The following ERCC6L2 variants were observed in gnomAD, a reference collection of about 807,000 sequenced individuals.
ERCC6L2 encodes the protein ERCC excision repair 6 like 2.
In ERCC6L2, 77 loss-of-function variants were observed where a neutral mutation model predicts 132.0. The observed-to-expected ratio is 0.58, with a 90% CI of 0.49 to 0.71. The LOEUF is 0.71. Ranked by LOEUF, ERCC6L2 falls within the 30% of genes least tolerant of loss-of-function variation. ERCC6L2 has a pLI of 0.00. For synonymous variants in ERCC6L2, 583 were observed against 632.4 expected (o/e 0.92, Z 1.17); for missense variants, 1,542 against 1,837.6 (o/e 0.84, Z 2.94).
Position 96,040,245 on chromosome 9 carries a change from C to T in ERCC6L2, c.*1755+1118C>T, listed in dbSNP as rs571415773. Reference sequence around the variant, plus strand: ...GCCTCTGCACTCTTCCTGCTCATGTCCTTGTCCCCTTTTTCTGGGCGTCAC... The same window carrying T: ...GCCTCTGCACTCTTCCTGCTCATGTTCTTGTCCCCTTTTTCTGGGCGTCAC... On this transcript the variant is annotated intron_variant and NMD_transcript_variant, in intron 20 of 20. Transcript: ENST00000670016. 4.6e-5 allele frequency among the ~76,000 whole-genome samples: 7 copies of T among 152,018 alleles called. No homozygotes were observed. The East Asian group carries it at 1.4e-3, about 29-fold the overall frequency.
At chr9:95,959,632 C>G (rs1831804102) in intron 13 of ERCC6L2, among the ~76,000 whole-genome samples, 1 of 151,898 alleles carries the variant, frequency 6.6e-6, no homozygotes, top group Admixed American at 6.6e-5. Context: ...ACCTACTCAT[C>G]TGACAAAGGG....
intron 13 of ERCC6L2, among the ~76,000 whole-genome samples, chr9:95,960,449 C>T (rs895454081): frequency 1.5e-4 from 23 of 152,178 alleles, no homozygotes; most frequent in African/African-American, 5.1e-4. Flanking sequence ...TCTTGAGATT[C>T]GGGGATTATC....
Position 95,928,751 on chromosome 9 carries a change from G to C in ERCC6L2, c.1638G>C (p.Ala546=). The C allele has an allele frequency of 6.2e-7, 1 of 1,613,074 alleles. No individual in the cohort carries two copies. The highest frequency in any genetic ancestry group is 8.5e-7 in the Non-Finnish European group (1 of 1,179,562). ...ACGTGCTACAGCAGTACTGTATGGCGTCTGGGCTTGATTACCGACGACTTG... is the reference window on the plus strand; with the variant it reads ...ACGTGCTACAGCAGTACTGTATGGCCTCTGGGCTTGATTACCGACGACTTG... ...LLDVLQQYCM[A]SGLDYRRLDG... Residue 546 remains alanine (A), a synonymous_variant, in exon 11 of 19, where the codon GCG becomes GCC. Transcript: ENST00000653738.
intron 11 of ERCC6L2, among the ~76,000 whole-genome samples, chr9:95,937,776 A>T (rs1830621512): frequency 2.7e-5 from 4 of 147,512 alleles, no homozygotes; most frequent in Non-Finnish European, 3.0e-5. Flanking sequence ...TTTTTCACTG[A>T]TTTTTCTCTG....
At chr9:96,032,110 T>G (rs1834466986) in intron 19 of ERCC6L2, among the ~76,000 whole-genome samples, 1 of 152,168 alleles carries the variant, frequency 6.6e-6, no homozygotes, top group African/African-American at 2.4e-5. Flanking sequence ...TTCCAGGCTG[T>G]GGCTGGGTAT....
chr9:96,030,206 C>A (rs545121172), intron 19 of ERCC6L2, among the ~76,000 whole-genome samples: 21 of 151,666 alleles, frequency 1.4e-4, no homozygotes, highest in Non-Finnish European at 2.8e-4. Flanking sequence ...CAGTCAGCAC[C>A]CTGTAAAATG....
At chr9:95,935,060 C>A (rs1173741947) in intron 11 of ERCC6L2, among the ~76,000 whole-genome samples, 1 of 152,180 alleles carries the variant, frequency 6.6e-6, no homozygotes, top group Non-Finnish European at 1.5e-5. Flanking sequence ...CTAATATCTT[C>A]ATGGACCCTT....
chr9:95,886,824 C>G (rs900730568), intron 2 of ERCC6L2, among the ~76,000 whole-genome samples: 1 of 152,144 alleles, frequency 6.6e-6, no homozygotes, highest in Admixed American at 6.5e-5. Flanking sequence ...CAGACCCATC[C>G]TTAATCTGGC....
intron 14 of ERCC6L2, among the ~76,000 whole-genome samples, chr9:95,969,211 A>G (rs751774079): frequency 9.9e-5 from 15 of 152,190 alleles, no homozygotes; most frequent in Non-Finnish European, 1.8e-4. Flanking sequence ...CCATGCAGGA[A>G]CTTTGACTTT....
At chr9:95,926,196 C>G (rs952808776) in intron 9 of ERCC6L2, among the ~76,000 whole-genome samples, 1 of 152,140 alleles carries the variant, frequency 6.6e-6, no homozygotes, top group African/African-American at 2.4e-5. Flanking sequence ...TCACAAAGCT[C>G]TTAACTAAAA....
intron 4 of ERCC6L2, among the ~76,000 whole-genome samples, chr9:95,911,872 A>C (rs866796321): frequency 6.6e-6 from 1 of 151,934 alleles, no homozygotes; most frequent in African/African-American, 2.4e-5. Context: ...CTTTACCTCA[A>C]CTCTTACTGA....
intron 3 of ERCC6L2, chr9:95,906,689 C>A: frequency 4.4e-6 from 2 of 458,120 alleles, no homozygotes; most frequent in Non-Finnish European, 8.8e-6. Flanking sequence ...CCATATATTT[C>A]AAGAACACGT....
intron 13 of ERCC6L2, among the ~76,000 whole-genome samples, chr9:95,957,462 A>G (rs565336454): frequency 6.6e-6 from 1 of 150,382 alleles, no homozygotes; most frequent in Non-Finnish European, 1.5e-5. Context: ...TTTTTTTCTA[A>G]CCTATTTAAC....
At chr9:95,913,899 A>T (rs1829458653) in intron 4 of ERCC6L2, among the ~76,000 whole-genome samples, 1 of 152,200 alleles carries the variant, frequency 6.6e-6, no homozygotes, top group South Asian at 2.1e-4. Flanking sequence ...TTGTCCATTC[A>T]CCAGCTGATG....
intron 6 of ERCC6L2, chr9:95,918,466 G>T: frequency 2.0e-6 from 1 of 488,980 alleles, no homozygotes. Context: ...GGTCCTGCAG[G>T]TCTGTTGGCT....
chr9:95,877,281 A>G (rs1827325350), intron 1 of ERCC6L2, among the ~76,000 whole-genome samples: 1 of 152,040 alleles, frequency 6.6e-6, no homozygotes, highest in Non-Finnish European at 1.5e-5. Flanking sequence ...ATTTCGTCCT[A>G]GAAATTATCC....
At chr9:95,883,580 G>A (rs1233008691) in intron 2 of ERCC6L2, among the ~76,000 whole-genome samples, 1 of 152,194 alleles carries the variant, frequency 6.6e-6, no homozygotes, top group Non-Finnish European at 1.5e-5. Context: ...TAAACATGAG[G>A]CTGGGTTTGG....
Position 95,978,065 on chromosome 9 carries a change from C to T in ERCC6L2, c.3342C>T (p.Gly1114=), listed in dbSNP as rs752734623. The T allele has an allele frequency of 1.5e-5, 21 of 1,363,002 alleles. No individual in the cohort carries two copies. The highest frequency in any genetic ancestry group is 9.1e-5 in the East Asian group (2 of 21,870). 84.4% of individuals were successfully genotyped at this position (1,363,002 alleles called of 1,614,324 possible). Residue 1114 remains glycine, a synonymous_variant, in exon 17 of 19, where the codon GGC becomes GGT. Transcript: ENST00000653738. ...TAAACATAAATTACCTCCTAGATGG[C>T]GTTCAGGAAGTGGCTTATATTCACT... ...SYESMDKFLD[G]VQEVAYIHSN...
downstream of ERCC6L2, among the ~76,000 whole-genome samples, chr9:96,022,702 T>G (rs1588064758): frequency 6.6e-6 from 1 of 152,062 alleles, no homozygotes; most frequent in South Asian, 2.1e-4. Context: ...GGGGCACAGG[T>G]TCAGTGTGAT....
Sources: allele counts gnomAD v4.1 joint callset (sites outside exome capture counted in the v4.1 genomes callset), GRCh38; gene constraint gnomAD v4.1.1; transcripts MANE v1.5; gene names NCBI Gene and HGNC (gene_info 2026-07-23, HGNC 2026-07-21).